The following FAM89A variants were observed in gnomAD, a reference collection of about 807,000 sequenced individuals.
FAM89A encodes the protein protein FAM89A.
Under a neutral mutation model 7.1 loss-of-function variants are expected in FAM89A, and 10 were observed. The ratio of observed to expected loss-of-function variants is 1.40; its 90% CI spans 0.86 to 2.38. The LOEUF is 2.38. Among genes scored for constraint, FAM89A ranks in the 30% most tolerant of loss-of-function variants. The pLI is 0.00. For missense variants in FAM89A, 276 were observed against 262.8 expected, an observed-to-expected ratio of 1.05 and a Z score of -0.35; for synonymous variants, 157 against 129.3, an observed-to-expected ratio of 1.21 and a Z score of -1.45.
At chr1:231,020,158 A>G in intron 1 of FAM89A, 32 bp from the exon 2 acceptor site, 1 of 1,565,650 alleles carries the variant, frequency 6.4e-7, no homozygotes, top group Non-Finnish European at 8.7e-7. Context: ...GTAAAAAACG[A>G]GAAGTCAGCA....
intron 1 of FAM89A, among the ~76,000 whole-genome samples, chr1:231,037,837 T>C (rs570194110): frequency 1.3e-5 from 2 of 152,234 alleles, no homozygotes; most frequent in South Asian, 2.1e-4. Flanking sequence ...CTATTAGAAG[T>C]TGCCCCTCTT....
In FAM89A at chr1:231,020,232, C is replaced by T. The variant is rs185684645; in HGVS notation, c.292-106G>A. ...TGCGCCTGCCAGCACATTCCTTCCA[C>T]ACGGCGCATGATTCAGAGCATCACT... is the stretch of plus-strand genomic sequence containing the variant. On this transcript the variant is annotated intron_variant, in intron 1 of 1. Transcript: ENST00000366654. The T allele has an allele frequency of 4.0e-4, 476 of 1,176,542 alleles. 1 individual carries two copies. In the African/African-American group the frequency reaches 6.7e-3, roughly 17 times the overall value. The allele number at this position is 1,176,542 out of a possible 1,614,324, so 72.9% of individuals were successfully genotyped here. A position where few individuals can be genotyped will look rare whatever the true frequency, so the allele number is the denominator to read the frequency against.
chr1:231,021,642 T>C, intron 1 of FAM89A: 1 of 1,553,860 alleles, frequency 6.4e-7, no homozygotes, highest in Non-Finnish European at 8.9e-7. Flanking sequence ...GGTGGAGCAA[T>C]AAATTCTAGA....
At chr1:231,036,964 C>T (rs1680166036) in intron 1 of FAM89A, among the ~76,000 whole-genome samples, 1 of 152,250 alleles carries the variant, frequency 6.6e-6, no homozygotes, top group African/African-American at 2.4e-5. Context: ...TGGTATACTA[C>T]ACACTCACTG....
At chr1:231,034,917 C>T (rs941693756) in intron 1 of FAM89A, among the ~76,000 whole-genome samples, 8 of 152,094 alleles carry the variant, frequency 5.3e-5, no homozygotes, top group African/African-American at 1.9e-4. Flanking sequence ...GATCGCTGTG[C>T]TAGACTATGC....
intron 1 of FAM89A, among the ~76,000 whole-genome samples, chr1:231,037,925 C>A (rs6696602): frequency 0.23 from 35,605 of 152,086 alleles, 4,576 homozygotes; most frequent in East Asian, 0.55. Flanking sequence ...ATGTCCCCTG[C>A]CACAGATTTG....
Position 231,039,888 on chromosome 1 carries a change from G to A in FAM89A, c.291+33C>T, listed in dbSNP as rs375686637. 9.8e-4 allele frequency: 1,264 copies of A among 1,285,264 alleles called. 2 individuals carry two copies. The highest frequency in any genetic ancestry group is 1.2e-3 in the Non-Finnish European group (1,197 of 1,017,518). 79.6% of individuals were successfully genotyped at this position (1,285,264 alleles called of 1,614,324 possible). A position where few individuals can be genotyped will look rare whatever the true frequency, so the allele number is the denominator to read the frequency against. ...CTTTCCCGGGACGGCGAGCCCGGCC[G>A]GGAAGAGCCCCAGCTCGCGGAGCCC... On this transcript the variant is annotated intron_variant, in intron 1 of 1. Transcript: ENST00000366654.
At chr1:231,021,249 T>C (rs1558253578) in intron 1 of FAM89A, among the ~76,000 whole-genome samples, 2 of 152,266 alleles carry the variant, frequency 1.3e-5, no homozygotes, top group Admixed American at 6.5e-5. Context: ...CTCCGTGCCT[T>C]GGTTGATGGC....
Position 231,021,777 on chromosome 1 carries a change from C to T in FAM89A, c.292-1651G>A, listed in dbSNP as rs1679883562. ...GACCTCACTTGTGAATCTTTAGAGC[C>T]TGTGGTGGTTGATCTGACTCACAAT... On this transcript the variant is annotated intron_variant, in intron 1 of 1. Coordinates refer to ENST00000366654, the MANE Select transcript of FAM89A (RefSeq NM_198552.3). 6 of 1,602,934 alleles carry T rather than the reference C, an allele frequency of 3.7e-6. No homozygotes were observed. In the South Asian group the frequency reaches 6.6e-5, roughly 18 times the overall value.
rs1680227937 is a variant in FAM89A at position 231,039,845 on chromosome 1, G to C, written c.291+76C>G. On this transcript the variant is annotated intron_variant, in intron 1 of 1. Transcript: ENST00000366654. ...GGGTGGGCGCGGGGACTTCCGGACA[G>C]AGCGCGGTCCCCGCGAACTTTCCCG... The C allele has an allele frequency of 3.2e-6, 4 of 1,254,540 alleles. No individual in the cohort carries two copies. The African/African-American group carries it at 4.7e-5, about 15-fold the overall frequency. The allele number at this position is 1,254,540 out of a possible 1,614,324, so 77.7% of individuals were successfully genotyped here.
At chr1:231,028,802 C>T (rs1321190794) in intron 1 of FAM89A, 1 of 152,274 alleles carries the variant, frequency 6.6e-6, no homozygotes, top group Non-Finnish European at 1.5e-5. Flanking sequence ...TCATTCACTC[C>T]TCTTCTCCCA....
chr1:231,035,688 C>G (rs528461462), intron 1 of FAM89A, among the ~76,000 whole-genome samples: 2 of 152,258 alleles, frequency 1.3e-5, no homozygotes, highest in African/African-American at 4.8e-5. Context: ...ATTTTAAAGG[C>G]CAACCAAGAT....
In FAM89A at chr1:231,040,086, G is replaced by T. The variant is rs1353317058; in HGVS notation, c.126C>A (p.Gly42=). ...CCAGGTGCCGCCAGCCCCCAGACGC[G>T]CCGCCGCCCGACGCCGAGTGCAGCA... ...SGLLHSASGG[G]ASGGWRHLER... is the part of the protein sequence containing the mutation. Residue 42 remains glycine, a synonymous_variant, in exon 1 of 2, where the codon GGC becomes GGA. Transcript: ENST00000366654. The T allele has an allele frequency of 6.9e-7, 1 of 1,440,346 alleles. No homozygotes were observed. The highest frequency in any genetic ancestry group is 9.1e-7 in the Non-Finnish European group (1 of 1,097,864). 89.2% of individuals were successfully genotyped at this position (1,440,346 alleles called of 1,614,324 possible).
intron 1 of FAM89A, among the ~76,000 whole-genome samples, chr1:231,033,391 A>T (rs1432059349): frequency 6.6e-6 from 1 of 152,216 alleles, no homozygotes; most frequent in Admixed American, 6.5e-5. Context: ...TCCTGCAGGC[A>T]TTCCCAGAGC....
chr1:231,039,234 G>A (rs1680210010), intron 1 of FAM89A, among the ~76,000 whole-genome samples: 1 of 152,212 alleles, frequency 6.6e-6, no homozygotes, highest in Non-Finnish European at 1.5e-5. Context: ...TTAGACACAA[G>A]GCGAAGAACT....
chr1:231,024,576 A>C (rs1679931572), intron 1 of FAM89A, among the ~76,000 whole-genome samples: 1 of 149,486 alleles, frequency 6.7e-6, no homozygotes, highest in Admixed American at 6.7e-5. Context: ...TTGCTTTGTC[A>C]CCCAGGCAGG....
At position 231,034,771 on chromosome 1, in the gene FAM89A, TCAAAAAAA is replaced by T. The variant is rs1316113956; in HGVS notation, c.291+5142_291+5149del. On this transcript the variant is annotated intron_variant, in intron 1 of 1. Coordinates refer to ENST00000366654, the MANE Select transcript of FAM89A (RefSeq NM_198552.3). ...TGGGCAACAAGATAGAAACTCTGTC[TCAAAAAAA>T]AAAAAAAAAAAAAAAAGGCAGATTC... Among the ~76,000 whole-genome samples the T allele has an allele frequency of 9.1e-5, 8 of 87,892 alleles. No homozygotes were observed. In the South Asian group the frequency reaches 2.4e-3, roughly 26 times the overall value. The allele number at this position is 87,892 out of a possible 152,430, so 57.7% of individuals were successfully genotyped here. A position where few individuals can be genotyped will look rare whatever the true frequency, so the allele number is the denominator to read the frequency against.
chr1:231,040,236 T>A lies in FAM89A; in HGVS notation c.-25A>T, dbSNP rs1463244443. On this transcript the variant is annotated 5_prime_UTR_variant, in exon 1 of 2. Coordinates refer to ENST00000366654, the MANE Select transcript of FAM89A (RefSeq NM_198552.3). ...TCGCGCCGCGGCCCGGCCACGCGCC[T>A]GCCCCGCTGCAGCGAACCAAGGCTT... is the stretch of plus-strand genomic sequence containing the variant. The A allele has an allele frequency of 9.7e-7, 1 of 1,031,510 alleles. No individual in the cohort carries two copies. The highest frequency in any genetic ancestry group is 5.6e-5 in the Admixed American group (1 of 17,756). The allele number at this position is 1,031,510 out of a possible 1,614,324, so 63.9% of individuals were successfully genotyped here.
At position 231,040,036 on chromosome 1, in the gene FAM89A, C is replaced by G. The variant is rs1284151745; in HGVS notation, c.176G>C (p.Arg59Pro). The G allele has an allele frequency of 6.9e-7, 1 of 1,444,448 alleles. No individual in the cohort carries two copies. Among genetic ancestry groups the G allele is most frequent in the East Asian group, 3.1e-5 (1 of 32,594 alleles). 89.5% of individuals were successfully genotyped at this position (1,444,448 alleles called of 1,614,324 possible). A position where few individuals can be genotyped will look rare whatever the true frequency, so the allele number is the denominator to read the frequency against. Reference sequence around the variant, plus strand: ...CCCGCGGCTCAGCTCGTCCTGGATGCGCGACTTCTGCGCGTACAGCCGCTC... The same window carrying G: ...CCCGCGGCTCAGCTCGTCCTGGATGGGCGACTTCTGCGCGTACAGCCGCTC... ...HLERLYAQKS[R>P]IQDELSRGGP... is the part of the protein sequence containing the mutation. Residue 59 changes from arginine (R) to proline (P), a missense_variant, in exon 1 of 2, where the codon CGC (arginine) becomes CCC (proline). Coordinates refer to ENST00000366654, the MANE Select transcript of FAM89A (RefSeq NM_198552.3).
Sources: gnomAD v4.1 joint callset for allele counts (sites outside exome capture counted in the v4.1 genomes callset) on GRCh38, gnomAD v4.1.1 for gene constraint, MANE v1.5 for transcripts, NCBI Gene and HGNC (gene_info 2026-07-23, HGNC 2026-07-21) for gene names.